Variants in AFF3 observed in about 807,000 individuals in gnomAD.
AFF3 encodes the protein ALF transcription elongation factor 3, also known as AF4/FMR2 family member 3.
Under a neutral mutation model 129.7 loss-of-function variants are expected in AFF3, and 32 were observed. The ratio of observed to expected loss-of-function variants is 0.25; its 90% CI spans 0.19 to 0.33. The LOEUF (loss-of-function observed/expected upper bound fraction) is 0.33. Among genes scored for constraint, AFF3 ranks in the 10% least tolerant of loss-of-function variants. AFF3 has a pLI of 1.00. For missense variants in AFF3, 1,373 were observed against 1,592.0 expected (o/e 0.86, Z 2.34); for synonymous variants, 644 against 635.4 (o/e 1.01, Z -0.20).
intron 7 of AFF3, among the ~76,000 whole-genome samples, chr2:99,865,643 G>A (rs1243964795): frequency 6.6e-6 from 1 of 152,164 alleles, no homozygotes; most frequent in Non-Finnish European, 1.5e-5. Context: ...TTATAGTTGG[G>A]AGCCATCAAA....
intron 4 of AFF3, among the ~76,000 whole-genome samples, chr2:100,078,373 T>TTTTA (rs370030989): frequency 2.0e-5 from 3 of 152,182 alleles, no homozygotes; most frequent in Non-Finnish European, 2.9e-5. Context: ...CAGGGCTTGT[T>TTTTA]TTTATTTATT....
chr2:99,987,433 C>T (rs1679974236), intron 7 of AFF3, among the ~76,000 whole-genome samples: 1 of 152,202 alleles, frequency 6.6e-6, no homozygotes, highest in Admixed American at 6.5e-5. Context: ...AGTTTAGATC[C>T]ATCCACAGAC....
intron 16 of AFF3, among the ~76,000 whole-genome samples, chr2:99,586,529 T>C (rs946401230): frequency 3.3e-5 from 5 of 152,214 alleles, no homozygotes; most frequent in African/African-American, 2.4e-5. Context: ...TTCCGTGCTG[T>C]GGTATTTCAA....
chr2:99,686,343 G>A (rs1459351617), intron 11 of AFF3, among the ~76,000 whole-genome samples: 1 of 152,148 alleles, frequency 6.6e-6, no homozygotes, highest in African/African-American at 2.4e-5. Flanking sequence ...AGGAAGTTGA[G>A]TTTACCTTTG....
chr2:100,094,243 T>C (rs1690102789), intron 4 of AFF3, among the ~76,000 whole-genome samples: 1 of 152,176 alleles, frequency 6.6e-6, no homozygotes, highest in Non-Finnish European at 1.5e-5. Context: ...TCATTTCTAT[T>C]ATTACATTGT....
intron 13 of AFF3, among the ~76,000 whole-genome samples, chr2:99,605,829 T>C (rs979491049): frequency 6.6e-6 from 1 of 151,886 alleles, no homozygotes; most frequent in Non-Finnish European, 1.5e-5. Context: ...ACTACAGGCA[T>C]GTACCACCAT....
intron 7 of AFF3, among the ~76,000 whole-genome samples, chr2:99,972,826 C>G (rs889257534): frequency 2.6e-5 from 4 of 152,160 alleles, no homozygotes; most frequent in Admixed American, 2.6e-4. Flanking sequence ...CCCCCAACTC[C>G]TCGCTCAACT....
chr2:100,083,536 T>C (rs1415610708), intron 4 of AFF3, among the ~76,000 whole-genome samples: 1 of 152,176 alleles, frequency 6.6e-6, no homozygotes, highest in Non-Finnish European at 1.5e-5. Context: ...TTTCCTTTGC[T>C]GCTAGAAACA....
intron 8 of AFF3, among the ~76,000 whole-genome samples, chr2:99,810,729 T>TA (rs1400702645): frequency 1.3e-5 from 2 of 152,182 alleles, no homozygotes; most frequent in Non-Finnish European, 2.9e-5. Flanking sequence ...TATATGATCT[T>TA]AGAGTTTGAC....
At chr2:100,047,903 G>A (rs1410321450) in intron 4 of AFF3, among the ~76,000 whole-genome samples, 2 of 152,192 alleles carry the variant, frequency 1.3e-5, no homozygotes, top group Admixed American at 1.3e-4. Context: ...TATGTGCAAT[G>A]AGGGGAACAC....
At chr2:100,056,870 A>G (rs933142761) in intron 4 of AFF3, among the ~76,000 whole-genome samples, 2 of 152,188 alleles carry the variant, frequency 1.3e-5, no homozygotes, top group African/African-American at 4.8e-5. Flanking sequence ...CCCTGGGGTA[A>G]ATACGAATAG....
chr2:99,682,224 G>A (rs1044083041), intron 11 of AFF3, among the ~76,000 whole-genome samples: 6 of 151,998 alleles, frequency 3.9e-5, no homozygotes, highest in African/African-American at 1.2e-4. Context: ...TAATTCTAAC[G>A]GAACTATCAC....
At chr2:99,643,228 T>G (rs893630709) in intron 13 of AFF3, among the ~76,000 whole-genome samples, 3 of 151,708 alleles carry the variant, frequency 2.0e-5, no homozygotes, top group African/African-American at 7.3e-5. Flanking sequence ...CCCAGCTAAT[T>G]TTTGAATTTT....
chr2:99,636,940 G>A (rs1048954703), intron 13 of AFF3, among the ~76,000 whole-genome samples: 3 of 152,226 alleles, frequency 2.0e-5, no homozygotes, highest in Admixed American at 6.5e-5. Flanking sequence ...GCCTGTGAGC[G>A]GAGGTGAGGG....
intron 13 of AFF3, among the ~76,000 whole-genome samples, chr2:99,610,185 A>T (rs578078034): frequency 2.6e-5 from 4 of 152,274 alleles, no homozygotes; most frequent in Admixed American, 6.5e-5. Flanking sequence ...CGCTTGACAT[A>T]GATTCATGTA....
intron 8 of AFF3, among the ~76,000 whole-genome samples, chr2:99,756,847 A>G (rs1210818094): frequency 1.3e-5 from 2 of 152,180 alleles, no homozygotes; most frequent in East Asian, 3.8e-4. Flanking sequence ...AATATTGTGC[A>G]TGTGTGTGTG....
At chr2:99,881,955 T>C (rs946585540) in intron 7 of AFF3, among the ~76,000 whole-genome samples, 1 of 152,196 alleles carries the variant, frequency 6.6e-6, no homozygotes, top group African/African-American at 2.4e-5. Flanking sequence ...CAGAAGTGAC[T>C]GAACAGCTCT....
rs540340491 is a variant in AFF3, at chr2:100,130,803, A to G, written c.-227-1497T>C. Among the ~76,000 whole-genome samples, 5 of 152,220 alleles carry G rather than the reference A, an allele frequency of 3.3e-5. No homozygotes were observed. In the South Asian group the frequency reaches 1.0e-3, roughly 32 times the overall value. ...GCCCCACAGAGACAGCCCCACAGAG[A>G]CAGAGACACTAGCAGTACCACAGGC... On this transcript the variant is annotated intron_variant, in intron 1 of 24. Coordinates refer to ENST00000672756, the MANE Select transcript of AFF3 (RefSeq NM_001386135.1).
At chr2:99,673,571 C>A (rs142811591) in intron 11 of AFF3, among the ~76,000 whole-genome samples, 1 of 152,176 alleles carries the variant, frequency 6.6e-6, no homozygotes, top group East Asian at 1.9e-4. Flanking sequence ...GTGCTCTCCA[C>A]GCAGAGACGC....
Sources: allele counts gnomAD v4.1 joint callset (sites outside exome capture counted in the v4.1 genomes callset), GRCh38; gene constraint gnomAD v4.1.1; transcripts MANE v1.5; gene names NCBI Gene and HGNC (gene_info 2026-07-23, HGNC 2026-07-21).